Variants in RPS6KC1 observed in about 807,000 individuals in gnomAD.
RPS6KC1 encodes the protein inactive ribosomal protein S6 kinase delta-1.
Under a neutral mutation model 103.8 loss-of-function variants are expected in RPS6KC1, and 54 were observed. That is an observed-to-expected ratio of 0.52 (90% confidence interval 0.42 to 0.65). The LOEUF is 0.65. Among genes scored for constraint, RPS6KC1 ranks in the 30% least tolerant of loss-of-function variants. RPS6KC1 has a pLI of 0.00. For missense variants in RPS6KC1, 1,151 were observed against 1,253.8 expected (o/e 0.92, Z 1.24); for synonymous variants, 439 against 438.7 (o/e 1.00, Z -0.01).
In RPS6KC1 at chr1:213,104,266, A is replaced by C. The variant is rs1572546118; in HGVS notation, c.263-188A>C. The stretch of plus-strand genomic sequence containing the variant: ...CTTTGTCTCTTGTTTTATCAGAAAC[A>C]TTTTCTTTTCTACTGAGAGTACTGC... On this transcript the variant is annotated intron_variant, in intron 3 of 14. Coordinates refer to ENST00000366960, the MANE Select transcript of RPS6KC1 (RefSeq NM_012424.6). 3.3e-5 allele frequency among the ~76,000 whole-genome samples: 5 copies of C among 152,270 alleles called. 1 individual carries two copies. The highest frequency in any genetic ancestry group is 3.3e-4 in the Admixed American group (5 of 15,284).
At chr1:213,348,053 C>T in the RPS6KC1 span, among the ~76,000 whole-genome samples, 1 of 152,116 alleles carries the variant, frequency 6.6e-6, no homozygotes, top group Non-Finnish European at 1.5e-5. Flanking sequence ...GCCTGATAGA[C>T]CCCACTAATG....
the RPS6KC1 span, among the ~76,000 whole-genome samples, chr1:213,590,508 G>A: frequency 2.0e-5 from 3 of 152,222 alleles, no homozygotes; most frequent in Non-Finnish European, 4.4e-5. Context: ...TTTTGGCTGA[G>A]GGAGACAGTA....
chr1:213,741,923 A>G, the RPS6KC1 span, among the ~76,000 whole-genome samples: 1 of 152,204 alleles, frequency 6.6e-6, no homozygotes, highest in Non-Finnish European at 1.5e-5. Flanking sequence ...TCCATTATAG[A>G]CAAGAGTCTA....
the RPS6KC1 span, among the ~76,000 whole-genome samples, chr1:213,451,856 G>A: frequency 6.6e-6 from 1 of 152,120 alleles, no homozygotes; most frequent in Non-Finnish European, 1.5e-5. Context: ...TGGAAGGCTC[G>A]CCTTCACTCA....
chr1:213,106,696 T>TA (rs1309579026), intron 4 of RPS6KC1, among the ~76,000 whole-genome samples: 5 of 152,316 alleles, frequency 3.3e-5, no homozygotes, highest in South Asian at 2.1e-4. Context: ...ACATTGACTT[T>TA]AAAAAACCAC....
At chr1:213,629,126 C>T in the RPS6KC1 span, among the ~76,000 whole-genome samples, 10,098 of 152,202 alleles carry the variant, frequency 0.066, 386 homozygotes, top group South Asian at 0.14. Context: ...GAGTTCAATT[C>T]CTGGGTATCC....
At chr1:213,773,650 C>T in the RPS6KC1 span, among the ~76,000 whole-genome samples, 2 of 151,890 alleles carry the variant, frequency 1.3e-5, no homozygotes, top group East Asian at 1.9e-4. Flanking sequence ...GTTTAAAATT[C>T]GTAAGGCGGG....
chr1:213,816,641 C>A, the RPS6KC1 span, among the ~76,000 whole-genome samples: 7,425 of 152,226 alleles, frequency 0.049, 269 homozygotes, highest in East Asian at 0.17. Context: ...GTTATTCCCC[C>A]CTCTGCTCAC....
At chr1:213,527,783 A>C in the RPS6KC1 span, among the ~76,000 whole-genome samples, 1 of 152,154 alleles carries the variant, frequency 6.6e-6, no homozygotes, top group African/African-American at 2.4e-5. Context: ...ATAACTTTTA[A>C]CTTCCCAAAA....
chr1:213,520,182 G>C, the RPS6KC1 span, among the ~76,000 whole-genome samples: 1 of 152,158 alleles, frequency 6.6e-6, no homozygotes, highest in Non-Finnish European at 1.5e-5. Context: ...ACATGTCTGA[G>C]ACTGGGTTTA....
At chr1:213,117,552 T>C (rs2083806321) in intron 5 of RPS6KC1, 142 bp downstream of exon 5, 3 of 536,102 alleles carry the variant, frequency 5.6e-6, no homozygotes, top group South Asian at 2.7e-5. Flanking sequence ...CTTTACATTT[T>C]ATTATCACTG....
At chr1:213,221,850 T>C (rs2093840679) in intron 8 of RPS6KC1, among the ~76,000 whole-genome samples, 1 of 152,204 alleles carries the variant, frequency 6.6e-6, no homozygotes, top group African/African-American at 2.4e-5. Flanking sequence ...TATTTTGAAT[T>C]ATGGCATTTT....
the RPS6KC1 span, among the ~76,000 whole-genome samples, chr1:213,555,092 C>G: frequency 7.0e-3 from 1,073 of 152,280 alleles, 11 homozygotes; most frequent in African/African-American, 0.021. Flanking sequence ...ATAAGCACAC[C>G]TATTCGTAGA....
the RPS6KC1 span, among the ~76,000 whole-genome samples, chr1:213,393,588 C>T: frequency 6.6e-6 from 1 of 152,156 alleles, no homozygotes; most frequent in African/African-American, 2.4e-5. Flanking sequence ...TGGATAATCG[C>T]CATTTTCCAC....
chr1:213,553,171 C>T, the RPS6KC1 span, among the ~76,000 whole-genome samples: 1 of 152,122 alleles, frequency 6.6e-6, no homozygotes. Flanking sequence ...CATCCTCTCC[C>T]CTTAAGTAGG....
the RPS6KC1 span, among the ~76,000 whole-genome samples, chr1:213,743,333 T>C: frequency 1.3e-5 from 2 of 152,118 alleles, no homozygotes; most frequent in Admixed American, 1.3e-4. Flanking sequence ...GAGCTGAACA[T>C]TGAACAACTA....
At chr1:213,687,558 C>T in the RPS6KC1 span, among the ~76,000 whole-genome samples, 3 of 152,098 alleles carry the variant, frequency 2.0e-5, no homozygotes, top group Admixed American at 6.5e-5. Context: ...GGATTGAATT[C>T]TATTTTCCTC....
intron 10 of RPS6KC1, among the ~76,000 whole-genome samples, chr1:213,238,131 A>C (rs1256684293): frequency 6.6e-6 from 1 of 152,184 alleles, no homozygotes; most frequent in East Asian, 1.9e-4. Flanking sequence ...TAATAAAAGC[A>C]TAAAAGTAAT....
At chr1:213,436,167 A>G in the RPS6KC1 span, among the ~76,000 whole-genome samples, 1 of 152,260 alleles carries the variant, frequency 6.6e-6, no homozygotes, top group African/African-American at 2.4e-5. Context: ...TGAACGCAAC[A>G]GTCTTTGTGA....
Sources: gnomAD v4.1 joint callset for allele counts (sites outside exome capture counted in the v4.1 genomes callset) on GRCh38, gnomAD v4.1.1 for gene constraint, MANE v1.5 for transcripts, NCBI Gene and HGNC (gene_info 2026-07-23, HGNC 2026-07-21) for gene names.